ROBO2: variants seen among roughly 807,000 people sequenced by gnomAD.
The protein encoded by ROBO2 is roundabout guidance receptor 2.
Under a neutral mutation model 160.8 loss-of-function variants are expected in ROBO2, and 53 were observed. That is an observed-to-expected ratio of 0.33 (90% CI 0.26 to 0.41). ROBO2 has a LOEUF of 0.41. Ranked by LOEUF, ROBO2 falls within the 10% of genes least tolerant of loss-of-function variation. The probability of loss-of-function intolerance (pLI) is 1.00; values close to 1 mark genes in which losing one functional copy is unlikely to be tolerated. For missense variants in ROBO2, 1,577 were observed against 1,722.4 expected, an observed-to-expected ratio of 0.92 and a Z score of 1.49; for synonymous variants, 664 against 611.7, an observed-to-expected ratio of 1.09 and a Z score of -1.26.
At chr3:75,908,270 C>T (rs559831619) in intron 1 of ROBO2, among the ~76,000 whole-genome samples, 1 of 152,220 alleles carries the variant, frequency 6.6e-6, no homozygotes, top group South Asian at 2.1e-4. Context: ...AAAGGTTTCT[C>T]AGATTAAGAT....
chr3:76,660,179 T>G (rs908879962), intron 2 of ROBO2, among the ~76,000 whole-genome samples: 2 of 152,214 alleles, frequency 1.3e-5, no homozygotes, highest in African/African-American at 2.4e-5. Context: ...ATGTGCATTT[T>G]TGTCTTTGGA....
intron 1 of ROBO2, among the ~76,000 whole-genome samples, chr3:77,051,091 G>C (rs762683392): frequency 1.3e-5 from 2 of 151,788 alleles, no homozygotes; most frequent in Non-Finnish European, 2.9e-5. Context: ...ATTCAGTTGA[G>C]GTTTAAGGCC....
chr3:75,944,887 C>T (rs539728056), intron 2 of ROBO2, among the ~76,000 whole-genome samples: 6 of 152,086 alleles, frequency 3.9e-5, no homozygotes, highest in Admixed American at 6.6e-5. Flanking sequence ...TATCTTCCTA[C>T]TTTCTGTCCT....
chr3:76,950,432 C>T (rs2078888349), intron 2 of ROBO2, among the ~76,000 whole-genome samples: 1 of 152,284 alleles, frequency 6.6e-6, no homozygotes, highest in Non-Finnish European at 1.5e-5. Flanking sequence ...TTTTCTAGGA[C>T]AGTCATTCTT....
At chr3:76,739,775 A>T (rs998723336) in intron 2 of ROBO2, among the ~76,000 whole-genome samples, 2 of 152,210 alleles carry the variant, frequency 1.3e-5, no homozygotes, top group African/African-American at 4.8e-5. Context: ...TGTAAAAAAA[A>T]GGATAGAATC....
chr3:77,566,533 T>C (rs1170424056), intron 12 of ROBO2, among the ~76,000 whole-genome samples: 1 of 152,104 alleles, frequency 6.6e-6, no homozygotes, highest in African/African-American at 2.4e-5. Context: ...TATACCTTTG[T>C]GCATAGAAAT....
rs1309230580 is a variant in ROBO2 at position 76,618,745 on chromosome 3, A to G, written c.110-479269A>G. The stretch of plus-strand genomic sequence containing the variant: ...ATGTACAATATTACATTTAATCACA[A>G]TTGACGGATCCTGATAAAAAGTGAA... On this transcript the variant is annotated intron_variant, in intron 2 of 26. Transcript: ENST00000487694. 3.3e-5 allele frequency among the ~76,000 whole-genome samples: 5 copies of G among 151,932 alleles called. No individual in the cohort carries two copies. The East Asian group carries it at 9.7e-4, about 29-fold the overall frequency.
chr3:77,547,183 G>A (rs551540396), intron 7 of ROBO2, among the ~76,000 whole-genome samples: 1 of 152,064 alleles, frequency 6.6e-6, no homozygotes, highest in African/African-American at 2.4e-5. Context: ...GTCTAAAGTT[G>A]GACAACTGCT....
chr3:77,219,008 T>A (rs577136772), intron 2 of ROBO2, among the ~76,000 whole-genome samples: 2 of 152,226 alleles, frequency 1.3e-5, no homozygotes, highest in African/African-American at 4.8e-5. Context: ...TGCTCTTGTC[T>A]CCCGGGCTGG....
intron 2 of ROBO2, among the ~76,000 whole-genome samples, chr3:76,869,541 G>T (rs1418263150): frequency 2.0e-5 from 3 of 151,626 alleles, no homozygotes; most frequent in Admixed American, 6.6e-5. Flanking sequence ...AGTGGAGACG[G>T]GGTTTCACCG....
chr3:76,056,072 A>T (rs2067834591), intron 2 of ROBO2, among the ~76,000 whole-genome samples: 1 of 152,268 alleles, frequency 6.6e-6, no homozygotes, highest in Non-Finnish European at 1.5e-5. Flanking sequence ...ATAGTTGAGA[A>T]AATGAAAAAC....
At chr3:76,548,066 A>C (rs568865810) in intron 2 of ROBO2, among the ~76,000 whole-genome samples, 20 of 152,296 alleles carry the variant, frequency 1.3e-4, no homozygotes, top group African/African-American at 4.3e-4. Context: ...CTTGCACAGA[A>C]TGGTGCATAT....
chr3:77,568,151 GT>G (rs1181442687), intron 12 of ROBO2, among the ~76,000 whole-genome samples, 161 bp from the exon 14 acceptor site: 1 of 151,912 alleles, frequency 6.6e-6, no homozygotes, highest in Non-Finnish European at 1.5e-5. Flanking sequence ...TACCACAGTG[GT>G]ATATTTATAT....
At chr3:77,113,525 C>T (rs2073891791) in intron 2 of ROBO2, among the ~76,000 whole-genome samples, 1 of 152,150 alleles carries the variant, frequency 6.6e-6, no homozygotes, top group African/African-American at 2.4e-5. Context: ...TTTCCTGACA[C>T]ATTATAAGGA....
At chr3:77,417,985 T>A (rs1005949161) in intron 2 of ROBO2, among the ~76,000 whole-genome samples, 1 of 152,126 alleles carries the variant, frequency 6.6e-6, no homozygotes. Flanking sequence ...ACTTTATTAT[T>A]GACTAAAGTC....
intron 2 of ROBO2, among the ~76,000 whole-genome samples, chr3:76,406,100 G>C (rs918802919): frequency 6.6e-6 from 1 of 151,426 alleles, no homozygotes; most frequent in Non-Finnish European, 1.5e-5. Context: ...TTTCATTTCA[G>C]TATTGATTGT....
chr3:77,020,531 A>G (rs2062564592), intron 2 of ROBO2, among the ~76,000 whole-genome samples: 1 of 152,220 alleles, frequency 6.6e-6, no homozygotes, highest in Admixed American at 6.5e-5. Flanking sequence ...TGTTCATGCC[A>G]GTATTGTTCG....
chr3:77,090,381 T>G (rs1393087349), intron 1 of ROBO2, among the ~76,000 whole-genome samples: 2 of 129,236 alleles, frequency 1.5e-5, no homozygotes, highest in Non-Finnish European at 3.2e-5. Context: ...TGAGACGGAG[T>G]TTCGCTCTGT....
chr3:77,141,498 C>T (rs2076699454), intron 2 of ROBO2, among the ~76,000 whole-genome samples: 1 of 152,172 alleles, frequency 6.6e-6, no homozygotes, highest in Admixed American at 6.5e-5. Context: ...CAAAGGCTGA[C>T]AAATGCACAG....
Sources: allele counts gnomAD v4.1 joint callset (sites outside exome capture counted in the v4.1 genomes callset), GRCh38; gene constraint gnomAD v4.1.1; transcripts MANE v1.5; gene names NCBI Gene and HGNC (gene_info 2026-07-23, HGNC 2026-07-21).